Variants in ARFGEF2 observed in about 807,000 individuals in gnomAD.
ARFGEF2 encodes brefeldin A-inhibited guanine nucleotide-exchange protein 2.
In ARFGEF2, 74 loss-of-function variants were observed where a neutral mutation model predicts 219.9. That is an observed-to-expected ratio of 0.34 (90% confidence interval 0.28 to 0.41). The LOEUF is 0.41. Ranked by LOEUF, ARFGEF2 falls within the 10% of genes least tolerant of loss-of-function variation. The pLI, the probability that ARFGEF2 is intolerant of heterozygous loss-of-function variation, is 1.00. For synonymous variants in ARFGEF2, 733 were observed against 799.2 expected, an observed-to-expected ratio of 0.92 and a Z score of 1.40; for missense variants, 1,743 against 2,218.3, an observed-to-expected ratio of 0.79 and a Z score of 4.30.
In ARFGEF2 at chr20:48,921,982, G is replaced by T; in HGVS notation, c.93G>T (p.Gln31His). ...AGGTGAAGCGGCCCCAGCACTCCCAGCTGCGCAGGGCCTGCCAGGTGGCGC... is the reference window on the plus strand; with the variant it reads ...AGGTGAAGCGGCCCCAGCACTCCCATCTGCGCAGGGCCTGCCAGGTGGCGC... ...DKEVKRPQHS[Q>H]LRRACQVALD... Residue 31 changes from glutamine to histidine, a missense_variant, in exon 1 of 39, where the codon CAG (glutamine) becomes CAT (histidine). Physicochemically the swap from Gln to His is conservative, Grantham distance 24. Transcript: ENST00000371917. The T allele has an allele frequency of 6.3e-7, 1 of 1,579,460 alleles. No individual in the cohort carries two copies.
At chr20:49,026,766 A>G (rs1351291438) in intron 36 of ARFGEF2, among the ~76,000 whole-genome samples, 1 of 151,844 alleles carries the variant, frequency 6.6e-6, no homozygotes, top group Non-Finnish European at 1.5e-5. Context: ...TTATATTTTT[A>G]GTAGAAACAG....
intron 6 of ARFGEF2, among the ~76,000 whole-genome samples, chr20:48,955,017 G>A (rs1331426967): frequency 6.6e-6 from 1 of 152,152 alleles, no homozygotes; most frequent in Non-Finnish European, 1.5e-5. Flanking sequence ...TCTCTGACCT[G>A]CATAAAAGTG....
intron 22 of ARFGEF2, among the ~76,000 whole-genome samples, chr20:48,995,169 T>G (rs2123474215): frequency 6.6e-6 from 1 of 152,354 alleles, no homozygotes; most frequent in East Asian, 1.9e-4. Flanking sequence ...GACTGTTATA[T>G]TCCCCATTTT....
At chr20:49,014,544 A>G (rs2091519033) in intron 30 of ARFGEF2, among the ~76,000 whole-genome samples, 1 of 152,164 alleles carries the variant, frequency 6.6e-6, no homozygotes, top group Non-Finnish European at 1.5e-5. Flanking sequence ...ATGGAATATT[A>G]GGCAAACACA....
chr20:49,017,465 G>T, intron 32 of ARFGEF2, 31 bp from the exon 33 acceptor site: 1 of 1,601,886 alleles, frequency 6.2e-7, no homozygotes, highest in South Asian at 1.1e-5. Flanking sequence ...CTTTCACATT[G>T]ATTATTTTTT....
At position 48,989,642 on chromosome 20, in the gene ARFGEF2, C is replaced by G; in HGVS notation, c.2772C>G (p.Gly924=). 6.2e-7 allele frequency: 1 copy of G among 1,614,242 alleles called. No individual in the cohort carries two copies. Among genetic ancestry groups the G allele is most frequent in the East Asian group, 2.2e-5 (1 of 44,890 alleles). The change falls in exon 20 of 39, where the codon GGC becomes GGG. Residue 924 remains glycine (G), a synonymous_variant. Transcript: ENST00000371917. ...DTEVASLCLE[G]IRCAIRIACI... ...AAGTGGCCTCCTTGTGTTTGGAAGG[C>G]ATCCGATGTGCAATCCGAATCGCCT...
intron 1 of ARFGEF2, among the ~76,000 whole-genome samples, chr20:48,937,309 C>G (rs1013425687): frequency 6.6e-6 from 1 of 152,256 alleles, no homozygotes; most frequent in Non-Finnish European, 1.5e-5. Flanking sequence ...TCTCCCAGCC[C>G]CTCCATGGGC....
At chr20:49,019,095 T>G in intron 34 of ARFGEF2, 97 bp downstream of exon 34, 1 of 1,012,520 alleles carries the variant, frequency 9.9e-7, no homozygotes, top group Admixed American at 2.0e-5. Context: ...AGCCTTCTTC[T>G]GCCCTGTGCC....
At chr20:48,942,609 C>T (rs993951190) in intron 3 of ARFGEF2, among the ~76,000 whole-genome samples, 5 of 151,432 alleles carry the variant, frequency 3.3e-5, no homozygotes, top group South Asian at 2.1e-4. Flanking sequence ...CTCAGCCTCC[C>T]GAGTAGCTGA....
intron 25 of ARFGEF2, among the ~76,000 whole-genome samples, chr20:49,002,962 A>T (rs138185803): frequency 1.7e-5 from 2 of 119,956 alleles, no homozygotes; most frequent in African/African-American, 3.2e-5. Flanking sequence ...TTATTTTTTT[A>T]ACTTTTTTTT....
chr20:48,965,856 G>A lies in ARFGEF2; in HGVS notation c.908-16G>A. The A allele has an allele frequency of 1.2e-5, 19 of 1,614,098 alleles. No individual in the cohort carries two copies. Among genetic ancestry groups the A allele is most frequent in the Non-Finnish European group, 1.5e-5 (18 of 1,179,980 alleles). On this transcript the variant is annotated splice_polypyrimidine_tract_variant and intron_variant, in intron 7 of 38. Coordinates refer to ENST00000371917, the MANE Select transcript of ARFGEF2 (RefSeq NM_006420.3). The stretch of plus-strand genomic sequence containing the variant: ...ACAGTACTAATTTGGCTATGACTTT[G>A]TACTTGTGTTTTAAGAAGCAGCGGA...
In ARFGEF2 at chr20:48,950,862, GCACA is replaced by G. The variant is rs149975227; in HGVS notation, c.277-444_277-441del. On this transcript the variant is annotated intron_variant, in intron 3 of 38. Transcript: ENST00000371917. Reference sequence around the variant, plus strand: ...TATATATATATGTATGTATATACATGCACACACACACACACACACAAAATTTTGT... The same window carrying G: ...TATATATATATGTATGTATATACATGCACACACACACACACAAAATTTTGT... Among the ~76,000 whole-genome samples, 426 of 95,548 alleles carry G rather than the reference GCACA, an allele frequency of 4.5e-3. 3 individuals carry two copies. Among genetic ancestry groups the G allele is most frequent in the African/African-American group, 0.014 (402 of 27,758 alleles). The allele number at this position is 95,548 out of a possible 152,430, so 62.7% of individuals were successfully genotyped here. A position where few individuals can be genotyped will look rare whatever the true frequency, so the allele number is the denominator to read the frequency against.
intron 1 of ARFGEF2, among the ~76,000 whole-genome samples, chr20:48,939,227 C>A (rs1004392391): frequency 6.6e-6 from 1 of 152,016 alleles, no homozygotes; most frequent in African/African-American, 2.4e-5. Flanking sequence ...CCTGCCTCGG[C>A]CTCCCAAAAT....
chr20:48,961,080 A>AAATATAATAATAATAAT (rs2091146985), intron 6 of ARFGEF2, among the ~76,000 whole-genome samples: 1 of 144,066 alleles, frequency 6.9e-6, no homozygotes. Flanking sequence ...CTCTGTCTCA[A>AAATATAATAATAATAAT]AATATAATAA....
chr20:48,983,844 T>C (rs997049594), intron 14 of ARFGEF2, among the ~76,000 whole-genome samples: 1 of 152,178 alleles, frequency 6.6e-6, no homozygotes, highest in African/African-American at 2.4e-5. Context: ...TACTCATGAA[T>C]ATCACCCTCC....
intron 37 of ARFGEF2, 122 bp downstream of exon 37, chr20:49,028,790 CT>C: frequency 9.0e-7 from 1 of 1,115,898 alleles, no homozygotes; most frequent in Non-Finnish European, 1.3e-6. Context: ...ATTTTTTTTT[CT>C]TTCTATTTGG....
intron 3 of ARFGEF2, among the ~76,000 whole-genome samples, chr20:48,948,485 A>T (rs888259240): frequency 6.6e-6 from 1 of 152,192 alleles, no homozygotes; most frequent in African/African-American, 2.4e-5. Flanking sequence ...GATTCCTATC[A>T]CTGAGGCAAA....
chr20:49,028,940 C>T (rs2091618586), intron 37 of ARFGEF2, among the ~76,000 whole-genome samples: 2 of 152,158 alleles, frequency 1.3e-5, no homozygotes, highest in East Asian at 1.9e-4. Context: ...AAAAGTGCTC[C>T]GAGCGGTCAG....
chr20:49,018,185 A>G (rs1361025290), intron 33 of ARFGEF2, among the ~76,000 whole-genome samples: 1 of 152,160 alleles, frequency 6.6e-6, no homozygotes, highest in Non-Finnish European at 1.5e-5. Context: ...TTTAAAAAGC[A>G]TTTGGGATAC....
Sources: gnomAD v4.1 joint callset for allele counts (sites outside exome capture counted in the v4.1 genomes callset) on GRCh38, gnomAD v4.1.1 for gene constraint, MANE v1.5 for transcripts, NCBI Gene and HGNC (gene_info 2026-07-23, HGNC 2026-07-21) for gene names.